The following CELF2 variants were observed in gnomAD, a reference collection of about 807,000 sequenced individuals.
The protein encoded by CELF2 is CUGBP Elav-like family member 2, also known as CUG triplet repeat RNA-binding protein 2.
Under a neutral mutation model 62.6 loss-of-function variants are expected in CELF2, and 8 were observed. The observed-to-expected ratio is 0.13, with a 90% CI of 0.07 to 0.23. CELF2 has a LOEUF of 0.23. Among genes scored for constraint, CELF2 ranks in the 10% least tolerant of loss-of-function variants. The pLI is 1.00. For missense variants in CELF2, 333 were observed against 671.0 expected (o/e 0.50, Z 5.56); for synonymous variants, 258 against 250.0 (o/e 1.03, Z -0.30).
the CELF2 span, among the ~76,000 whole-genome samples, chr10:10,651,127 C>T: frequency 2.1e-5 from 3 of 139,686 alleles, no homozygotes; most frequent in Non-Finnish European, 3.2e-5. Context: ...CCTGGAAAAT[C>T]GGGTCACTCC....
rs557184339 is a variant in CELF2, at chr10:10,801,217, T to C, written c.53+2400T>C. ...AGAGAAACATTTTTACATTGACTCC[T>C]TTGGCTACACCAAGTTCATTCTGTC... On this transcript the variant is annotated intron_variant, in intron 1 of 13. Transcript: ENST00000636488. Among the ~76,000 whole-genome samples, 5 of 152,362 alleles carry C rather than the reference T, an allele frequency of 3.3e-5. No homozygotes were observed. In the East Asian group the frequency reaches 9.6e-4, roughly 29 times the overall value.
At chr10:10,883,053 G>A (rs964918329) in intron 1 of CELF2, among the ~76,000 whole-genome samples, 2 of 152,150 alleles carry the variant, frequency 1.3e-5, no homozygotes, top group African/African-American at 2.4e-5. Flanking sequence ...AGCACCAGGA[G>A]CAAGACTAAT....
At chr10:10,954,132 G>A (rs955741295) in intron 2 of CELF2, among the ~76,000 whole-genome samples, 1 of 151,732 alleles carries the variant, frequency 6.6e-6, no homozygotes, top group African/African-American at 2.4e-5. Flanking sequence ...ATGATGGGGT[G>A]AGAAACAGCC....
intron 1 of CELF2, among the ~76,000 whole-genome samples, chr10:11,073,547 A>C (rs1030546619): frequency 2.0e-5 from 3 of 152,206 alleles, no homozygotes; most frequent in African/African-American, 7.2e-5. Flanking sequence ...AAAATAGCCA[A>C]ATTTGCTGGC....
the CELF2 span, among the ~76,000 whole-genome samples, chr10:10,735,828 A>G: frequency 0.011 from 1,741 of 152,258 alleles, 38 homozygotes; most frequent in African/African-American, 0.04. Context: ...AAGTTAAACA[A>G]CATTCTGTGT....
rs185757990 is a variant in CELF2, at chr10:11,319,111, G to A, written c.1097-2078G>A. ...GATCCAAGCAGAGCGGCGAGTCGCC[G>A]CTCCTCTCCCGCCAGAATTTCCTCC... is the stretch of plus-strand genomic sequence containing the variant. On this transcript the variant is annotated intron_variant, in intron 10 of 12. Transcript: ENST00000633077. The surrounding 1 kb of genome is among the most constrained non-coding windows in gnomAD (Gnocchi z 4.4). 6.2e-3 allele frequency: 2,934 copies of A among 469,840 alleles called. 25 individuals carry two copies. Among genetic ancestry groups the A allele is most frequent in the Non-Finnish European group, 7.9e-3 (1,796 of 227,030 alleles). The allele number at this position is 469,840 out of a possible 1,614,324, so 29.1% of individuals were successfully genotyped here.
chr10:10,498,331 C>T, the CELF2 span, among the ~76,000 whole-genome samples: 1 of 152,202 alleles, frequency 6.6e-6, no homozygotes, highest in Admixed American at 6.5e-5. Flanking sequence ...CTCAAAGATA[C>T]TGGAGGAGGA....
chr10:11,111,287 A>G (rs567650902), intron 1 of CELF2, among the ~76,000 whole-genome samples: 146 of 152,226 alleles, frequency 9.6e-4, no homozygotes, highest in Non-Finnish European at 1.4e-3. Context: ...ACTGTTGAAC[A>G]ACTTCCCTGT....
chr10:10,477,287 T>A, the CELF2 span, among the ~76,000 whole-genome samples: 1 of 152,160 alleles, frequency 6.6e-6, no homozygotes, highest in African/African-American at 2.4e-5. Flanking sequence ...TATCATATTT[T>A]TAAATTAAGG....
intron 1 of CELF2, among the ~76,000 whole-genome samples, chr10:11,148,843 A>AACAC (rs58567770): frequency 0.032 from 4,727 of 146,850 alleles, 119 homozygotes; most frequent in African/African-American, 0.067. Flanking sequence ...TCTTAAACCA[A>AACAC]ACACACACAC....
At chr10:11,162,495 T>G (rs1344772752) in intron 1 of CELF2, among the ~76,000 whole-genome samples, 1 of 151,730 alleles carries the variant, frequency 6.6e-6, no homozygotes, top group Non-Finnish European at 1.5e-5. Flanking sequence ...TAGATAGAAA[T>G]GAGAGGTGCT....
intron 2 of CELF2, among the ~76,000 whole-genome samples, chr10:11,205,914 C>T (rs892166916): frequency 6.6e-6 from 1 of 152,190 alleles, no homozygotes; most frequent in Admixed American, 6.5e-5. Context: ...CAAATGTTTA[C>T]TTCAGCCTAG....
chr10:10,559,138 G>A, the CELF2 span, among the ~76,000 whole-genome samples: 22 of 152,202 alleles, frequency 1.4e-4, no homozygotes, highest in Admixed American at 3.9e-4. Context: ...GGCACAGAGC[G>A]GGCAAATTTA....
At chr10:10,663,331 A>G in the CELF2 span, among the ~76,000 whole-genome samples, 1 of 152,324 alleles carries the variant, frequency 6.6e-6, no homozygotes, top group Admixed American at 6.5e-5. Context: ...ATTGCCTCAT[A>G]TGTTGCAATT....
chr10:10,562,685 C>T, the CELF2 span, among the ~76,000 whole-genome samples: 1 of 148,316 alleles, frequency 6.7e-6, no homozygotes, highest in Non-Finnish European at 1.5e-5. Context: ...TTTGACCCCT[C>T]ACAGTTTCTA....
At chr10:10,631,315 T>C in the CELF2 span, among the ~76,000 whole-genome samples, 3 of 152,172 alleles carry the variant, frequency 2.0e-5, no homozygotes. Context: ...TTGGAAATTG[T>C]CATTTGGACC....
chr10:10,515,366 C>G, the CELF2 span, among the ~76,000 whole-genome samples: 1 of 152,198 alleles, frequency 6.6e-6, no homozygotes, highest in African/African-American at 2.4e-5. Context: ...AGTCATATCA[C>G]ATATCTTAAT....
At chr10:11,231,921 A>T (rs1589486081) in intron 3 of CELF2, among the ~76,000 whole-genome samples, 1 of 152,180 alleles carries the variant, frequency 6.6e-6, no homozygotes, top group Non-Finnish European at 1.5e-5. Flanking sequence ...TTACATAAAA[A>T]TTGTGTTCAA....
chr10:10,645,090 G>T, the CELF2 span, among the ~76,000 whole-genome samples: 5 of 152,304 alleles, frequency 3.3e-5, no homozygotes, highest in Middle Eastern at 6.8e-3. Context: ...TCTTTTGAAA[G>T]AACATGGATG....
Sources: allele counts gnomAD v4.1 joint callset (sites outside exome capture counted in the v4.1 genomes callset), GRCh38; gene constraint gnomAD v4.1.1; non-coding constraint Gnocchi (gnomAD v3.1); transcripts MANE v1.5; gene names NCBI Gene and HGNC (gene_info 2026-07-23, HGNC 2026-07-21).